The following HGSNAT variants were observed in gnomAD, a reference collection of about 807,000 sequenced individuals.
HGSNAT encodes the protein transmembrane protein 76.
HGSNAT carries 59 observed loss-of-function variants against 85.2 expected under a neutral mutation model. That is an observed-to-expected ratio of 0.69 (90% CI 0.56 to 0.86). The LOEUF (loss-of-function observed/expected upper bound fraction) is 0.86. Among genes scored for constraint, HGSNAT ranks in the 40% least tolerant of loss-of-function variants. The pLI is 0.00. For synonymous variants in HGSNAT, 321 were observed against 304.5 expected, an observed-to-expected ratio of 1.05 and a Z score of -0.56; for missense variants, 756 against 777.1, an observed-to-expected ratio of 0.97 and a Z score of 0.32.
At chr8:43,179,656 G>A (rs1230715409) in intron 10 of HGSNAT, among the ~76,000 whole-genome samples, 19 of 15,734 alleles carry the variant, frequency 1.2e-3, no homozygotes, top group South Asian at 2.1e-3. Flanking sequence ...CTGGCCAGGC[G>A]GGGGGCTGAT....
chr8:43,182,351 T>G (rs1333157403), intron 11 of HGSNAT, 91 bp downstream of exon 11: 3 of 1,057,426 alleles, frequency 2.8e-6, no homozygotes, highest in Non-Finnish European at 4.4e-6. Flanking sequence ...TTGTCCAGAC[T>G]GGTCCCTCAC....
chr8:43,156,038 C>A (rs1018977494), intron 2 of HGSNAT, among the ~76,000 whole-genome samples: 2 of 151,982 alleles, frequency 1.3e-5, no homozygotes, highest in East Asian at 1.9e-4. Context: ...TGGGGTTTCA[C>A]CATGTTGGCC....
intron 1 of HGSNAT, among the ~76,000 whole-genome samples, chr8:43,146,230 T>G (rs1313407565): frequency 1.3e-5 from 2 of 152,070 alleles, no homozygotes; most frequent in Non-Finnish European, 2.9e-5. Flanking sequence ...CTTAAAACTG[T>G]CTGCTTACCC....
At chr8:43,190,616 C>T (rs1195236236) in intron 11 of HGSNAT, among the ~76,000 whole-genome samples, 4 of 152,208 alleles carry the variant, frequency 2.6e-5, no homozygotes, top group Non-Finnish European at 4.4e-5. Context: ...CCTGGGCCAT[C>T]ACCATAGGGT....
Position 43,202,507 on chromosome 8 carries a change from A to G in HGSNAT, c.*2938A>G, listed in dbSNP as rs1804948196. Reference sequence around the variant, plus strand: ...AACCGCTGACAGCTGCAACAGGTGCATGGCATCTCACAGGGAGGCAGGGAG... The same window carrying G: ...AACCGCTGACAGCTGCAACAGGTGCGTGGCATCTCACAGGGAGGCAGGGAG... On this transcript the variant is annotated 3_prime_UTR_variant, in exon 18 of 18. Transcript: ENST00000379644. 1 of 152,274 alleles carries G rather than the reference A, an allele frequency of 6.6e-6. No homozygotes were observed. The highest frequency in any genetic ancestry group is 1.5e-5 in the Non-Finnish European group (1 of 68,074). 9.4% of individuals were successfully genotyped at this position (152,274 alleles called of 1,614,324 possible).
At chr8:43,140,799 C>A (rs1802496403) in intron 1 of HGSNAT, among the ~76,000 whole-genome samples, 185 bp downstream of exon 1, 1 of 152,030 alleles carries the variant, frequency 6.6e-6, no homozygotes, top group Admixed American at 6.5e-5. Flanking sequence ...CTTCGGGGTG[C>A]TGCGGCCGGG....
intron 2 of HGSNAT, among the ~76,000 whole-genome samples, chr8:43,154,776 C>CA (rs1803039692): frequency 1.3e-5 from 2 of 152,166 alleles, no homozygotes. Flanking sequence ...CACCGACTTC[C>CA]ACAGTGGTTG....
rs755533080 is a variant in HGSNAT, at chr8:43,199,577, C to T, written c.*8C>T. 76 of 1,529,364 alleles carry T rather than the reference C, an allele frequency of 5.0e-5. No individual in the cohort carries two copies. The South Asian group carries it at 1.0e-3, about 20-fold the overall frequency. 94.7% of individuals were successfully genotyped at this position (1,529,364 alleles called of 1,614,324 possible). A position where few individuals can be genotyped will look rare whatever the true frequency, so the allele number is the denominator to read the frequency against. ...ATTTTTTGGAAAATCTGATGGCTCC[C>T]ACTGAGATGTGCTGCTGGAAGACTC... On this transcript the variant is annotated 3_prime_UTR_variant, in exon 18 of 18. Transcript: ENST00000379644.
In HGSNAT at chr8:43,178,042, T is replaced by C. The variant is rs767319112; in HGVS notation, c.852-32T>C. ...GATATATAGACAAAAAATTTGGAAA[T>C]GGCCACCTATTAATAACTAGATTCT... is the stretch of plus-strand genomic sequence containing the variant. On this transcript the variant is annotated intron_variant, in intron 9 of 17. Transcript: ENST00000379644. 3 of 1,598,306 alleles carry C rather than the reference T, an allele frequency of 1.9e-6. No individual in the cohort carries two copies. The South Asian group carries it at 3.3e-5, about 18-fold the overall frequency.
chr8:43,183,735 G>A lies in HGSNAT; in HGVS notation c.1128+1475G>A, dbSNP rs149966042. Reference sequence around the variant, plus strand: ...TGTGCCATGTTGGTATGCTGCACCCGTTAACTCGTCATTTACATTAGGTAT... The same window carrying A: ...TGTGCCATGTTGGTATGCTGCACCCATTAACTCGTCATTTACATTAGGTAT... On this transcript the variant is annotated intron_variant, in intron 11 of 17. Coordinates refer to ENST00000379644, the MANE Select transcript of HGSNAT (RefSeq NM_152419.3). Among the ~76,000 whole-genome samples the A allele has an allele frequency of 5.9e-5, 9 of 152,112 alleles. No individual in the cohort carries two copies. The East Asian group carries it at 1.4e-3, about 23-fold the overall frequency.
At chr8:43,191,754 G>GAGT (rs1422677991) in intron 12 of HGSNAT, among the ~76,000 whole-genome samples, 159 bp downstream of exon 12, 2 of 152,154 alleles carry the variant, frequency 1.3e-5, no homozygotes, top group Non-Finnish European at 2.9e-5. Flanking sequence ...CACGTGTCCA[G>GAGT]AGTGATTTCC....
At chr8:43,180,229 G>A (rs1334381016) in intron 10 of HGSNAT, 3 of 117,564 alleles carry the variant, frequency 2.6e-5, no homozygotes. Context: ...GGCCGGGCGG[G>A]GGGCTGACCC....
At chr8:43,141,569 A>G (rs1267558521) in intron 1 of HGSNAT, among the ~76,000 whole-genome samples, 1 of 152,092 alleles carries the variant, frequency 6.6e-6, no homozygotes, top group African/African-American at 2.4e-5. Context: ...CCCTTTGGGT[A>G]GGAGGGACGG....
intron 8 of HGSNAT, among the ~76,000 whole-genome samples, chr8:43,173,143 C>T (rs1190653589): frequency 6.6e-6 from 1 of 152,022 alleles, no homozygotes; most frequent in South Asian, 2.1e-4. Context: ...TGCCACCATA[C>T]ATGGCTAGTT....
At chr8:43,174,731 C>T (rs1803749372) in intron 9 of HGSNAT, among the ~76,000 whole-genome samples, 1 of 151,972 alleles carries the variant, frequency 6.6e-6, no homozygotes, top group Non-Finnish European at 1.5e-5. Context: ...AATGGGGTAC[C>T]CACCCCCTCA....
intron 8 of HGSNAT, among the ~76,000 whole-genome samples, chr8:43,173,396 G>A (rs1001583335): frequency 1.3e-5 from 2 of 150,886 alleles, no homozygotes; most frequent in Non-Finnish European, 3.0e-5. Flanking sequence ...TGCAACCTCT[G>A]CCTCCCAGGT....
At chr8:43,182,320 T>C in intron 11 of HGSNAT, 60 bp downstream of exon 11, 3 of 1,285,122 alleles carry the variant, frequency 2.3e-6, no homozygotes, top group Non-Finnish European at 3.4e-6. Context: ...ATGTATTGTG[T>C]GGTGATACGG....
At chr8:43,170,278 G>C (rs1456975771) in intron 6 of HGSNAT, among the ~76,000 whole-genome samples, 1 of 152,034 alleles carries the variant, frequency 6.6e-6, no homozygotes, top group Non-Finnish European at 1.5e-5. Context: ...TCAGGAGTTT[G>C]AGACCAGCCT....
intron 11 of HGSNAT, chr8:43,182,474 T>A: frequency 1.7e-6 from 1 of 582,190 alleles, no homozygotes. Flanking sequence ...TACAGGGTCT[T>A]GCTGTGTTGC....
Sources: gnomAD v4.1 joint callset for allele counts (sites outside exome capture counted in the v4.1 genomes callset) on GRCh38, gnomAD v4.1.1 for gene constraint, MANE v1.5 for transcripts, NCBI Gene and HGNC (gene_info 2026-07-23, HGNC 2026-07-21) for gene names.